The following KCTD16 variants were observed in gnomAD, a reference collection of about 807,000 sequenced individuals.
KCTD16 encodes the protein BTB/POZ domain-containing protein KCTD16.
Under a neutral mutation model 33.2 loss-of-function variants are expected in KCTD16, and 13 were observed. The ratio of observed to expected loss-of-function variants is 0.39; its 90% CI spans 0.25 to 0.62. The LOEUF (loss-of-function observed/expected upper bound fraction) is 0.62. KCTD16 is among the 20% of genes least tolerant of loss of function. The pLI is 0.50. For synonymous variants in KCTD16, 197 were observed against 195.3 expected (o/e 1.01, Z -0.07); for missense variants, 441 against 525.1 (o/e 0.84, Z 1.57).
At chr5:144,419,090 C>T (rs138570581) in intron 3 of KCTD16, among the ~76,000 whole-genome samples, 7 of 152,316 alleles carry the variant, frequency 4.6e-5, no homozygotes, top group African/African-American at 1.4e-4. Context: ...GATCAAAACA[C>T]TTTGCTGCTC....
At chr5:144,466,990 A>ATATAT (rs1754348987) in intron 3 of KCTD16, among the ~76,000 whole-genome samples, 1 of 46,446 alleles carries the variant, frequency 2.2e-5, no homozygotes, top group Non-Finnish European at 4.2e-5. Context: ...ATATAACACT[A>ATATAT]TATATATTAT....
chr5:144,324,140 A>G (rs1015731127), intron 3 of KCTD16, among the ~76,000 whole-genome samples: 4 of 152,114 alleles, frequency 2.6e-5, no homozygotes, highest in Non-Finnish European at 4.4e-5. Context: ...CAGGAAACAC[A>G]CTATCTTCTC....
chr5:144,338,583 A>G (rs559867994), intron 3 of KCTD16, among the ~76,000 whole-genome samples: 13 of 152,274 alleles, frequency 8.5e-5, no homozygotes, highest in African/African-American at 2.9e-4. Context: ...TGAAAGAAAA[A>G]ACCCTGGGGG....
At chr5:144,184,691 C>T (rs1752690653) in intron 2 of KCTD16, among the ~76,000 whole-genome samples, 2 of 152,138 alleles carry the variant, frequency 1.3e-5, no homozygotes, top group South Asian at 2.1e-4. Flanking sequence ...TTTCTTTCTT[C>T]CTTCTTGTAG....
intron 3 of KCTD16, among the ~76,000 whole-genome samples, chr5:144,397,569 C>G (rs1752603252): frequency 6.6e-6 from 1 of 152,130 alleles, no homozygotes; most frequent in African/African-American, 2.4e-5. Flanking sequence ...TTCTATTTCT[C>G]CACATCCTCT....
chr5:144,467,374 C>T (rs140115454), intron 3 of KCTD16, among the ~76,000 whole-genome samples: 1 of 152,170 alleles, frequency 6.6e-6, no homozygotes, highest in East Asian at 1.9e-4. Context: ...AGCAGGCTTC[C>T]TCCCCCATTC....
Position 144,265,702 on chromosome 5 carries a change from A to G in KCTD16, c.832+58156A>G, listed in dbSNP as rs533012909. On this transcript the variant is annotated intron_variant, in intron 3 of 3. Transcript: ENST00000512467. ...TCATCATAAAAGCTACTATTTAGGA[A>G]CATAAATATATGTCATGTGTGATAA... Among the ~76,000 whole-genome samples the G allele has an allele frequency of 3.3e-5, 5 of 152,352 alleles. No homozygotes were observed. In the South Asian group the frequency reaches 1.0e-3, roughly 32 times the overall value.
chr5:144,398,816 T>G (rs1752638157), intron 3 of KCTD16, among the ~76,000 whole-genome samples: 1 of 152,152 alleles, frequency 6.6e-6, no homozygotes, highest in Non-Finnish European at 1.5e-5. Context: ...CTGAATATTT[T>G]TATTTCTTTA....
At chr5:144,436,476 G>A (rs1418307110) in intron 3 of KCTD16, among the ~76,000 whole-genome samples, 2 of 152,116 alleles carry the variant, frequency 1.3e-5, no homozygotes, top group East Asian at 3.9e-4. Flanking sequence ...GGGTTCAGGA[G>A]ACCTAGATTC....
intron 3 of KCTD16, among the ~76,000 whole-genome samples, chr5:144,322,557 G>A (rs757351215): frequency 4.6e-5 from 7 of 151,960 alleles, no homozygotes; most frequent in Admixed American, 1.3e-4. Context: ...GAGGGTCTGT[G>A]TGACTGACTC....
chr5:144,415,703 A>G (rs941711023), intron 3 of KCTD16, among the ~76,000 whole-genome samples: 2 of 152,172 alleles, frequency 1.3e-5, no homozygotes, highest in Non-Finnish European at 2.9e-5. Context: ...TCTATTTTCC[A>G]TGGTTATTAA....
rs1012743752 is a variant in KCTD16, at chr5:144,224,386, T to G, written c.832+16840T>G. 2.7e-3 allele frequency among the ~76,000 whole-genome samples: 378 copies of G among 141,622 alleles called. 1 individual carries two copies. Among genetic ancestry groups the G allele is most frequent in the African/African-American group, 9.8e-3 (343 of 35,128 alleles). 92.9% of individuals were successfully genotyped at this position (141,622 alleles called of 152,430 possible). On this transcript the variant is annotated intron_variant, in intron 3 of 3. Coordinates refer to ENST00000512467, the MANE Select transcript of KCTD16 (RefSeq NM_020768.4). ...TTTTATTGGATCAATATAATGTGTT[T>G]TTTTTTTTTTTTTTTTTTCCTCCAA...
chr5:144,189,503 AAAAAAAAG>A (rs1300706776), intron 2 of KCTD16, among the ~76,000 whole-genome samples: 1 of 151,952 alleles, frequency 6.6e-6, no homozygotes, highest in Non-Finnish European at 1.5e-5. Flanking sequence ...CTCAAAAAAA[AAAAAAAAG>A]AAAAAAGAAA....
At chr5:144,411,789 C>T (rs533485683) in intron 3 of KCTD16, among the ~76,000 whole-genome samples, 1 of 152,138 alleles carries the variant, frequency 6.6e-6, no homozygotes, top group East Asian at 1.9e-4. Context: ...ATCCATCTGA[C>T]AAGAGATTAA....
chr5:144,308,858 T>G (rs1301754475), intron 3 of KCTD16, among the ~76,000 whole-genome samples: 2 of 152,054 alleles, frequency 1.3e-5, no homozygotes, highest in African/African-American at 4.8e-5. Context: ...TCCCACTTTT[T>G]TTTTTAATAG....
At chr5:144,175,598 G>GC (rs1173549503) in intron 2 of KCTD16, among the ~76,000 whole-genome samples, 1 of 152,132 alleles carries the variant, frequency 6.6e-6, no homozygotes, top group African/African-American at 2.4e-5. Context: ...TATGTTAATT[G>GC]ATATTGCATA....
At chr5:144,278,575 G>T (rs1373197313) in intron 3 of KCTD16, among the ~76,000 whole-genome samples, 1 of 138,100 alleles carries the variant, frequency 7.2e-6, no homozygotes, top group Admixed American at 8.3e-5. Flanking sequence ...TTGGCTCACT[G>T]CAAGCTCCGC....
intron 3 of KCTD16, among the ~76,000 whole-genome samples, chr5:144,292,051 T>C (rs1014329332): frequency 2.0e-5 from 3 of 152,220 alleles, no homozygotes; most frequent in African/African-American, 7.2e-5. Context: ...TCAATATAAT[T>C]GGTTTCTTTT....
intron 3 of KCTD16, among the ~76,000 whole-genome samples, chr5:144,316,138 T>C (rs544470265): frequency 6.6e-6 from 1 of 152,284 alleles, no homozygotes; most frequent in Non-Finnish European, 1.5e-5. Flanking sequence ...GGTACCAAAC[T>C]AGCTTTAACC....
Sources: allele counts gnomAD v4.1 joint callset (sites outside exome capture counted in the v4.1 genomes callset), GRCh38; gene constraint gnomAD v4.1.1; transcripts MANE v1.5; gene names NCBI Gene and HGNC (gene_info 2026-07-23, HGNC 2026-07-21).